UGT8: variants seen among roughly 807,000 people sequenced by gnomAD.
The protein encoded by UGT8 is 2-hydroxyacylsphingosine 1-beta-galactosyltransferase.
In UGT8, 12 loss-of-function variants were observed where a neutral mutation model predicts 40.5. The ratio of observed to expected loss-of-function variants is 0.30; its 90% confidence interval spans 0.19 to 0.48. The LOEUF is 0.48. Among genes scored for constraint, UGT8 ranks in the 20% least tolerant of loss-of-function variants. UGT8 has a pLI of 0.99. For missense variants in UGT8, 513 were observed against 648.7 expected, an observed-to-expected ratio of 0.79 and a Z score of 2.27; for synonymous variants, 224 against 240.4, an observed-to-expected ratio of 0.93 and a Z score of 0.63.
intron 2 of UGT8, among the ~76,000 whole-genome samples, chr4:114,631,358 A>G (rs1732559868): frequency 6.6e-6 from 1 of 152,100 alleles, no homozygotes; most frequent in African/African-American, 2.4e-5. Context: ...GTTGTGGTGC[A>G]TGCCTATAGT....
intron 1 of UGT8, among the ~76,000 whole-genome samples, chr4:114,620,996 T>C (rs1163270375): frequency 6.6e-6 from 1 of 152,186 alleles, no homozygotes; most frequent in Middle Eastern, 3.2e-3. Flanking sequence ...AGCAATTGTT[T>C]AGATCTTTTT....
chr4:114,606,711 G>A (rs926434692), intron 1 of UGT8, among the ~76,000 whole-genome samples: 1 of 152,150 alleles, frequency 6.6e-6, no homozygotes, highest in African/African-American at 2.4e-5. Context: ...AAACTGGAAG[G>A]GGAAGTAGTT....
intron 5 of UGT8, among the ~76,000 whole-genome samples, chr4:114,672,542 C>T (rs554315364): frequency 2.6e-5 from 4 of 152,266 alleles, no homozygotes; most frequent in African/African-American, 9.6e-5. Flanking sequence ...TGGAAGCCAT[C>T]ATCCTCAGCA....
At chr4:114,633,025 C>G (rs1025479321) in intron 2 of UGT8, among the ~76,000 whole-genome samples, 1 of 152,054 alleles carries the variant, frequency 6.6e-6, no homozygotes, top group Non-Finnish European at 1.5e-5. Context: ...ACAGATAAAC[C>G]GACTTGACTT....
At chr4:114,640,612 T>C (rs549326848) in intron 2 of UGT8, among the ~76,000 whole-genome samples, 1 of 152,118 alleles carries the variant, frequency 6.6e-6, no homozygotes, top group Non-Finnish European at 1.5e-5. Flanking sequence ...CTAGGCTGTT[T>C]ACAAAGGAAA....
intron 2 of UGT8, among the ~76,000 whole-genome samples, chr4:114,658,716 T>A (rs1578457434): frequency 6.8e-6 from 1 of 147,634 alleles, no homozygotes; most frequent in East Asian, 2.0e-4. Flanking sequence ...TAAAAAAAAA[T>A]TGTTTATTTT....
intron 1 of UGT8, chr4:114,622,647 A>C (rs1185970337): frequency 4.7e-6 from 2 of 426,562 alleles, no homozygotes; most frequent in African/African-American, 2.0e-5. Flanking sequence ...GTGTGAGATG[A>C]TATCTCATTG....
chr4:114,673,360 T>TC (rs1735421218), intron 5 of UGT8, among the ~76,000 whole-genome samples: 1 of 152,166 alleles, frequency 6.6e-6, no homozygotes, highest in Non-Finnish European at 1.5e-5. Flanking sequence ...TCCATGGACC[T>TC]CCTCTGAACA....
At chr4:114,649,624 G>T (rs1210039427) in intron 2 of UGT8, among the ~76,000 whole-genome samples, 1 of 152,066 alleles carries the variant, frequency 6.6e-6, no homozygotes, top group Non-Finnish European at 1.5e-5. Flanking sequence ...ATCAAATGGT[G>T]CATTTTTGTT....
Position 114,678,068 on chromosome 4 carries a change from G to A in UGT8, c.*1780G>A, listed in dbSNP as rs1735759618. The A allele has an allele frequency of 6.6e-6, 1 of 152,188 alleles. No homozygotes were observed. The highest frequency in any genetic ancestry group is 1.5e-5 in the Non-Finnish European group (1 of 68,026). 9.4% of individuals were successfully genotyped at this position (152,188 alleles called of 1,614,324 possible). On this transcript the variant is annotated 3_prime_UTR_variant, in exon 6 of 6. Transcript: ENST00000310836. ...AAAAGGGAAAAAAGACACAGGCAAT[G>A]AATGGTGGGATAGTAAGAGGACTTA...
chr4:114,665,598 A>C (rs1734811209), intron 3 of UGT8, 82 bp from the exon 4 acceptor site: 16 of 1,297,286 alleles, frequency 1.2e-5, no homozygotes, highest in Non-Finnish European at 1.6e-5. Flanking sequence ...CATTTATTTT[A>C]AATCTCATAA....
Position 114,623,183 on chromosome 4 carries a change from C to A in UGT8, c.303C>A (p.Ile101=). Residue 101 remains isoleucine (I), a synonymous_variant, in exon 2 of 6, where the codon ATC becomes ATA. Coordinates refer to ENST00000310836, the MANE Select transcript of UGT8 (RefSeq NM_001128174.3). ...RNIFSGRLTA[I]ELFDILDHYT... is the part of the protein sequence containing the mutation. Reference sequence around the variant, plus strand: ...TTTTCTCTGGGAGATTGACAGCAATCGAACTGTTTGACATACTGGATCACT... The same window carrying A: ...TTTTCTCTGGGAGATTGACAGCAATAGAACTGTTTGACATACTGGATCACT... 2 of 1,614,086 alleles carry A rather than the reference C, an allele frequency of 1.2e-6. No individual in the cohort carries two copies. The highest frequency in any genetic ancestry group is 8.5e-7 in the Non-Finnish European group (1 of 1,180,020).
At chr4:114,642,516 C>A (rs1294362317) in intron 2 of UGT8, among the ~76,000 whole-genome samples, 5 of 152,134 alleles carry the variant, frequency 3.3e-5, no homozygotes, top group Non-Finnish European at 7.4e-5. Context: ...CAGCTAACTT[C>A]TCAGGCTGTG....
chr4:114,634,172 A>G (rs535862292), intron 2 of UGT8, among the ~76,000 whole-genome samples: 180 of 152,304 alleles, frequency 1.2e-3, no homozygotes, highest in African/African-American at 4.3e-3. Context: ...TGCTTGAGCA[A>G]CTGGTGGATG....
intron 5 of UGT8, among the ~76,000 whole-genome samples, chr4:114,673,203 T>A (rs1735410738): frequency 6.6e-6 from 1 of 152,194 alleles, no homozygotes; most frequent in Non-Finnish European, 1.5e-5. Context: ...AATATTCATA[T>A]TCTTACTGGA....
At chr4:114,633,458 T>C (rs1325439522) in intron 2 of UGT8, among the ~76,000 whole-genome samples, 2 of 152,062 alleles carry the variant, frequency 1.3e-5, no homozygotes, top group African/African-American at 2.4e-5. Context: ...GGAAGGACTT[T>C]ACATTTTGAA....
chr4:114,666,581 T>C (rs1402455802), intron 4 of UGT8, among the ~76,000 whole-genome samples: 1 of 152,182 alleles, frequency 6.6e-6, no homozygotes, highest in African/African-American at 2.4e-5. Context: ...TTTACTGTTA[T>C]GACTTAGATT....
At position 114,622,503 on chromosome 4, in the gene UGT8, G is replaced by A. The variant is rs542350065; in HGVS notation, c.-2-376G>A. 1.6e-5 allele frequency: 3 copies of A among 184,172 alleles called. No individual in the cohort carries two copies. The South Asian group carries it at 3.6e-4, about 22-fold the overall frequency. 11.4% of individuals were successfully genotyped at this position (184,172 alleles called of 1,614,324 possible). On this transcript the variant is annotated intron_variant, in intron 1 of 5. Transcript: ENST00000310836. ...GATGGCTGGGTTCTAGATCCCTGAG[G>A]AATCGCCACATTGACTTGCACAATG... is the stretch of plus-strand genomic sequence containing the variant.
At chr4:114,662,671 G>C (rs1192315089) in intron 2 of UGT8, among the ~76,000 whole-genome samples, 1 of 151,892 alleles carries the variant, frequency 6.6e-6, no homozygotes, top group African/African-American at 2.4e-5. Flanking sequence ...TCTGTCCCCT[G>C]CTGAGTACAA....
Sources: gnomAD v4.1 joint callset for allele counts (sites outside exome capture counted in the v4.1 genomes callset) on GRCh38, gnomAD v4.1.1 for gene constraint, MANE v1.5 for transcripts, NCBI Gene and HGNC (gene_info 2026-07-23, HGNC 2026-07-21) for gene names.